ZNF354A: variants seen among roughly 807,000 people sequenced by gnomAD.
ZNF354A encodes zinc finger protein 354A.
ZNF354A carries 25 observed loss-of-function variants against 53.3 expected under a neutral mutation model. The observed-to-expected ratio is 0.47, with a 90% confidence interval of 0.34 to 0.66. ZNF354A has a LOEUF of 0.66. Among genes scored for constraint, ZNF354A ranks in the 30% least tolerant of loss-of-function variants. ZNF354A has a pLI of 0.01. For synonymous variants in ZNF354A, 228 were observed against 249.0 expected, an observed-to-expected ratio of 0.92 and a Z score of 0.79; for missense variants, 586 against 716.8, an observed-to-expected ratio of 0.82 and a Z score of 2.08.
intron 4 of ZNF354A, among the ~76,000 whole-genome samples, chr5:178,716,365 C>T (rs1200893002): frequency 1.3e-5 from 2 of 152,120 alleles, no homozygotes; most frequent in Non-Finnish European, 2.9e-5. Context: ...CTGTCCTCAC[C>T]CCCTCTTCCC....
chr5:178,719,231 T>C (rs1157781237), intron 4 of ZNF354A, among the ~76,000 whole-genome samples: 1 of 152,250 alleles, frequency 6.6e-6, no homozygotes, highest in African/African-American at 2.4e-5. Flanking sequence ...GCATCGGTGA[T>C]CCACAGTTCC....
At chr5:178,716,184 T>C (rs1765710024) in intron 4 of ZNF354A, among the ~76,000 whole-genome samples, 1 of 152,090 alleles carries the variant, frequency 6.6e-6, no homozygotes, top group African/African-American at 2.4e-5. Flanking sequence ...GTGTGAGCCA[T>C]CATGCCCGGC....
intron 4 of ZNF354A, among the ~76,000 whole-genome samples, chr5:178,724,885 G>A (rs1224884016): frequency 1.3e-5 from 2 of 152,208 alleles, no homozygotes; most frequent in African/African-American, 2.4e-5. Flanking sequence ...TTCTTACACG[G>A]ATGGAGACTC....
intron 1 of ZNF354A, 22 bp from the exon 2 acceptor site, chr5:178,729,095 GGAA>G (rs1279360935): frequency 2.7e-6 from 2 of 732,720 alleles, no homozygotes; most frequent in Admixed American, 5.0e-5. Context: ...AAGGGAGCCA[GGAA>G]GAACCCCTTC....
chr5:178,730,178 G>T (rs1003134966), intron 1 of ZNF354A, among the ~76,000 whole-genome samples: 3 of 152,176 alleles, frequency 2.0e-5, no homozygotes, highest in African/African-American at 2.4e-5. Context: ...CACCAGCTCT[G>T]AAGAGGAAAG....
intron 4 of ZNF354A, among the ~76,000 whole-genome samples, chr5:178,715,969 T>G (rs934656638): frequency 8.6e-5 from 13 of 151,292 alleles, no homozygotes; most frequent in Non-Finnish European, 1.9e-4. Context: ...CGACCTCGGC[T>G]CACTGCAACC....
intron 4 of ZNF354A, among the ~76,000 whole-genome samples, chr5:178,719,148 A>G (rs1371275263): frequency 1.3e-5 from 2 of 152,120 alleles, no homozygotes; most frequent in Admixed American, 6.5e-5. Flanking sequence ...TTCAAAAAGC[A>G]TTGGTCACGC....
intron 2 of ZNF354A, among the ~76,000 whole-genome samples, 191 bp downstream of exon 2, chr5:178,728,799 A>AAAAG (rs1554094807): frequency 6.9e-6 from 1 of 145,870 alleles, no homozygotes; most frequent in African/African-American, 2.5e-5. Context: ...AAAAAAAAAA[A>AAAAG]AGAGAACCAC....
chr5:178,725,489 A>T lies in ZNF354A; in HGVS notation c.161-18T>A. 1 of 1,611,354 alleles carries T rather than the reference A, an allele frequency of 6.2e-7. No individual in the cohort carries two copies. Among genetic ancestry groups the T allele is most frequent in the Non-Finnish European group, 8.5e-7 (1 of 1,178,004 alleles). On this transcript the variant is annotated intron_variant, in intron 3 of 4. Transcript: ENST00000335815. ...TGGGAGCCCTGCACATAAACAAAAA[A>T]CCACAACCAAACAAATCAGACTTGG... is the stretch of plus-strand genomic sequence containing the variant.
intron 3 of ZNF354A, 27 bp downstream of exon 3, chr5:178,726,970 TTC>T (rs1258874828): frequency 1.3e-6 from 2 of 1,584,374 alleles, no homozygotes; most frequent in South Asian, 2.3e-5. Flanking sequence ...AATTTTTGAA[TTC>T]TGTTTCTAGA....
chr5:178,714,340 AC>A (rs2113868956), intron 4 of ZNF354A, among the ~76,000 whole-genome samples: 1 of 151,988 alleles, frequency 6.6e-6, no homozygotes, highest in Admixed American at 6.6e-5. Context: ...AAGTCCCTCC[AC>A]CCCATGTCAA....
intron 4 of ZNF354A, among the ~76,000 whole-genome samples, chr5:178,724,514 C>T (rs970986892): frequency 1.3e-5 from 2 of 152,174 alleles, no homozygotes; most frequent in South Asian, 2.1e-4. Flanking sequence ...CGTGAGCCAC[C>T]GTGCCCAGCG....
At chr5:178,716,542 T>C (rs1000180053) in intron 4 of ZNF354A, among the ~76,000 whole-genome samples, 4 of 152,176 alleles carry the variant, frequency 2.6e-5, no homozygotes, top group Admixed American at 2.0e-4. Context: ...ATGTATTCAA[T>C]AAGACAGGGT....
chr5:178,712,305 C>A lies in ZNF354A; in HGVS notation c.1573G>T (p.Glu525Ter), dbSNP rs750458230. ...TGGCCAAAAGATATCCCACATTCCTCACATCGATATGGTTTCTCTCCAGTA... is the reference window on the plus strand; with the variant it reads ...TGGCCAAAAGATATCCCACATTCCTAACATCGATATGGTTTCTCTCCAGTA... Reference protein sequence around the residue: ...IHTGEKPYRCEECGISFGQSS... With the variant: ...IHTGEKPYRC The change falls in exon 5 of 5, where the codon GAG becomes TAG. Residue 525 changes from glutamate to a stop codon, truncating the protein, a stop_gained. Coordinates refer to ENST00000335815, the MANE Select transcript of ZNF354A (RefSeq NM_005649.3). LOFTEE classifies it high-confidence loss of function. 8.1e-6 allele frequency: 13 copies of A among 1,613,966 alleles called. No individual in the cohort carries two copies. Among genetic ancestry groups the A allele is most frequent in the Non-Finnish European group, 1.0e-5 (12 of 1,179,994 alleles).
chr5:178,719,857 G>A (rs1056536132), intron 4 of ZNF354A, among the ~76,000 whole-genome samples: 3 of 151,646 alleles, frequency 2.0e-5, no homozygotes, highest in African/African-American at 7.3e-5. Flanking sequence ...TGAGGCAGGA[G>A]AATGGCGTGA....
chr5:178,718,450 C>T (rs1463566202), intron 4 of ZNF354A, among the ~76,000 whole-genome samples: 1 of 152,178 alleles, frequency 6.6e-6, no homozygotes, highest in African/African-American at 2.4e-5. Flanking sequence ...GTTTCTTCAA[C>T]CCTATCTCCC....
chr5:178,713,986 T>G (rs541947275), intron 4 of ZNF354A, among the ~76,000 whole-genome samples: 84 of 149,826 alleles, frequency 5.6e-4, no homozygotes, highest in Non-Finnish European at 9.4e-4. Flanking sequence ...TTTTTTTTGT[T>G]TTTTTTTTTT....
chr5:178,712,971 A>G lies in ZNF354A; in HGVS notation c.907T>C (p.Cys303Arg). The G allele has an allele frequency of 1.2e-6, 2 of 1,614,158 alleles. No homozygotes were observed. Among genetic ancestry groups the G allele is most frequent in the African/African-American group, 1.3e-5 (1 of 75,054 alleles). ...GACCTTCGGCTGAAGGATTTACCAC[A>G]TTCTTTACATCTGTAGGATTTCTCC... ...TVEKSYRCKECGKSFSRRSGL... is the reference protein window; with the variant it reads ...TVEKSYRCKERGKSFSRRSGL... Residue 303 changes from cysteine (C) to arginine (R), a missense_variant, in exon 5 of 5, where the codon TGT becomes CGT. Around this residue, in one of 2 missense-constraint regions of ZNF354A, gnomAD observed 573 missense variants for 680.1 expected, o/e 0.84. Coordinates refer to ENST00000335815, the MANE Select transcript of ZNF354A (RefSeq NM_005649.3).
At position 178,711,957 on chromosome 5, in the gene ZNF354A, T is replaced by TTA. The variant is rs1765625501; in HGVS notation, c.*102_*103insTA. 1 of 1,414,058 alleles carries TTA rather than the reference T, an allele frequency of 7.1e-7. No individual in the cohort carries two copies. Among genetic ancestry groups the TTA allele is most frequent in the Non-Finnish European group, 9.5e-7 (1 of 1,055,670 alleles). 87.6% of individuals were successfully genotyped at this position (1,414,058 alleles called of 1,614,324 possible). A position where few individuals can be genotyped will look rare whatever the true frequency, so the allele number is the denominator to read the frequency against. Reference sequence around the variant, plus strand: ...ATTAAATACCTAATGAGGGCTAAATTATTACAGTTTTTTTCACATCCATTA... The same window carrying TTA: ...ATTAAATACCTAATGAGGGCTAAATTTAATTACAGTTTTTTTCACATCCATTA... On this transcript the variant is annotated 3_prime_UTR_variant, in exon 5 of 5. Coordinates refer to ENST00000335815, the MANE Select transcript of ZNF354A (RefSeq NM_005649.3).
Sources: gnomAD v4.1 joint callset for allele counts (sites outside exome capture counted in the v4.1 genomes callset) on GRCh38, gnomAD v4.1.1 for gene constraint, gnomAD v4.1.1 regional missense constraint, MANE v1.5 for transcripts, NCBI Gene and HGNC (gene_info 2026-07-23, HGNC 2026-07-21) for gene names.